ZMYND8: variants seen among roughly 807,000 people sequenced by gnomAD.
ZMYND8 encodes the protein MYND-type zinc finger-containing chromatin reader ZMYND8.
ZMYND8 carries 37 observed loss-of-function variants against 140.8 expected under a neutral mutation model. That is an observed-to-expected ratio of 0.26 (90% CI 0.20 to 0.35). The LOEUF is 0.35. Ranked by LOEUF, ZMYND8 falls within the 10% of genes least tolerant of loss-of-function variation. The pLI is 1.00. For synonymous variants in ZMYND8, 592 were observed against 597.1 expected (o/e 0.99, Z 0.12); for missense variants, 1,068 against 1,570.0 (o/e 0.68, Z 5.40).
chr20:47,280,199 A>G (rs2076522274), intron 10 of ZMYND8, among the ~76,000 whole-genome samples: 1 of 151,384 alleles, frequency 6.6e-6, no homozygotes, highest in South Asian at 2.1e-4. Flanking sequence ...CAAGACCTCC[A>G]AAGTTGTTTC....
At chr20:47,331,025 C>G (rs1040417134) in intron 2 of ZMYND8, among the ~76,000 whole-genome samples, 1 of 152,118 alleles carries the variant, frequency 6.6e-6, no homozygotes, top group African/African-American at 2.4e-5. Context: ...TGGATCTGCA[C>G]AGTCAGTGTG....
rs535541680 is a variant in ZMYND8, at chr20:47,246,486, C to A, written c.1806G>T (p.Thr602=). ...CCTCCGAATCGCTGTGCTCTACGGC[C>A]GTATAGACATCTTCCGAGATTTCAT... ...GINEISEDVY[T]AVEHSDSEDS... The change falls in exon 14 of 23, where the codon ACG becomes ACT. Residue 602 remains threonine (T), a synonymous_variant. Transcript: ENST00000471951. The A allele has an allele frequency of 6.3e-7, 1 of 1,593,928 alleles. No homozygotes were observed. Among genetic ancestry groups the A allele is most frequent in the East Asian group, 2.2e-5 (1 of 44,674 alleles).
At chr20:47,293,259 G>C (rs1320222658) in intron 5 of ZMYND8, among the ~76,000 whole-genome samples, 2 of 149,992 alleles carry the variant, frequency 1.3e-5, no homozygotes, top group Non-Finnish European at 3.0e-5. Context: ...AGGGAGGAAA[G>C]GAAAATATTC....
intron 10 of ZMYND8, among the ~76,000 whole-genome samples, chr20:47,281,568 G>C (rs1051996980): frequency 6.6e-6 from 1 of 152,178 alleles, no homozygotes; most frequent in Non-Finnish European, 1.5e-5. Flanking sequence ...GTGTACGGAG[G>C]GAAAGGGGAG....
intron 2 of ZMYND8, chr20:47,319,020 C>G (rs1464993957): frequency 1.5e-6 from 2 of 1,351,214 alleles, no homozygotes; most frequent in Non-Finnish European, 2.0e-6. Context: ...AGAGGCTCAC[C>G]CACAGCAGAC....
chr20:47,307,845 C>A (rs533575163), intron 3 of ZMYND8, among the ~76,000 whole-genome samples: 1 of 151,708 alleles, frequency 6.6e-6, no homozygotes, highest in Admixed American at 6.6e-5. Flanking sequence ...TAAGGCCAGG[C>A]GCGGTGGCTC....
chr20:47,330,361 CTTTTTTTTTT>C (rs111831182), intron 2 of ZMYND8, among the ~76,000 whole-genome samples: 1 of 118,896 alleles, frequency 8.4e-6, no homozygotes, highest in Non-Finnish European at 1.8e-5. Context: ...GGGTTTTTTG[CTTTTTTTTTT>C]TTTTTTTTTT....
chr20:47,299,847 G>C (rs1302978410), intron 3 of ZMYND8, among the ~76,000 whole-genome samples: 2 of 152,166 alleles, frequency 1.3e-5, no homozygotes, highest in Non-Finnish European at 2.9e-5. Flanking sequence ...CTCCCAAAGT[G>C]CTGGGATTAC....
chr20:47,216,205 AGGCCTCT>A, intron 21 of ZMYND8, among the ~76,000 whole-genome samples: 1 of 152,308 alleles, frequency 6.6e-6, no homozygotes, highest in Non-Finnish European at 1.5e-5. Flanking sequence ...GTCACAACAC[AGGCCTCT>A]GGCCAGGCAC....
rs184554639 is a variant in ZMYND8, at chr20:47,234,938, G to C, written c.2856+1388C>G. 3.7e-3 allele frequency among the ~76,000 whole-genome samples: 557 copies of C among 152,232 alleles called. 1 individual carries two copies. Among genetic ancestry groups the C allele is most frequent in the Admixed American group, 6.9e-3 (106 of 15,296 alleles). On this transcript the variant is annotated intron_variant, in intron 16 of 22. Transcript: ENST00000471951. ...GAAGATCACTTGAGGCCAGGAGTTT[G>C]AGACCAGCCTGGGCAACAAAATGAG... is the stretch of plus-strand genomic sequence containing the variant.
chr20:47,220,032 C>T (rs570166548), intron 21 of ZMYND8, among the ~76,000 whole-genome samples: 3 of 152,262 alleles, frequency 2.0e-5, no homozygotes, highest in African/African-American at 7.2e-5. Context: ...TTATGTGGAT[C>T]CCCAGTAAAT....
At chr20:47,302,117 C>T (rs749191225) in intron 3 of ZMYND8, among the ~76,000 whole-genome samples, 122 of 152,136 alleles carry the variant, frequency 8.0e-4, no homozygotes, top group Non-Finnish European at 1.5e-3. Context: ...TACCCAGTCT[C>T]GGGTATGTCT....
At chr20:47,296,932 G>C (rs1476341641) in intron 4 of ZMYND8, among the ~76,000 whole-genome samples, 8 of 152,154 alleles carry the variant, frequency 5.3e-5, no homozygotes, top group Non-Finnish European at 1.5e-5. Context: ...TCCAGCCTGG[G>C]CAACAGAACA....
intron 13 of ZMYND8, 87 bp from the exon 14 acceptor site, chr20:47,246,604 G>A (rs1387864366): frequency 6.7e-7 from 1 of 1,485,118 alleles, no homozygotes; most frequent in Admixed American, 2.4e-5. Flanking sequence ...CACACCAAAT[G>A]CTGGAATAAG....
intron 14 of ZMYND8, among the ~76,000 whole-genome samples, chr20:47,239,401 G>A (rs1464778573): frequency 6.6e-6 from 1 of 152,232 alleles, no homozygotes. Context: ...AGACCTCTAG[G>A]GGAGAATGAG....
chr20:47,291,933 T>G, intron 5 of ZMYND8, 45 bp from the exon 6 acceptor site: 1 of 1,533,228 alleles, frequency 6.5e-7, no homozygotes, highest in Non-Finnish European at 8.9e-7. Context: ...ATCATTACTA[T>G]GGAAAACCAA....
Position 47,307,296 on chromosome 20 carries a change from C to CA in ZMYND8, c.234+2759dup, listed in dbSNP as rs1238714381. 8.3e-3 allele frequency among the ~76,000 whole-genome samples: 1,184 copies of CA among 142,500 alleles called. 13 individuals are homozygous for CA. Among genetic ancestry groups the CA allele is most frequent in the African/African-American group, 0.028 (1,093 of 39,044 alleles). The allele number at this position is 142,500 out of a possible 152,430, so 93.5% of individuals were successfully genotyped here. On this transcript the variant is annotated intron_variant, in intron 3 of 22. Coordinates refer to ENST00000471951, the MANE Select transcript of ZMYND8 (RefSeq NM_001281775.3). The stretch of plus-strand genomic sequence containing the variant: ...CGAAACTCCGTCTCTACCAAAACTA[C>CA]AAAAAAAAAAAATTAGCCGGGTGTG...
chr20:47,252,525 C>T (rs2074274411), intron 12 of ZMYND8, among the ~76,000 whole-genome samples: 1 of 152,086 alleles, frequency 6.6e-6, no homozygotes, highest in Non-Finnish European at 1.5e-5. Context: ...TCCATGGCTA[C>T]CCAAGTGACA....
rs533777975 is a variant in ZMYND8 at position 47,291,758 on chromosome 20, G to C, written c.660+38C>G. 4 of 1,561,786 alleles carry C rather than the reference G, an allele frequency of 2.6e-6. No individual in the cohort carries two copies. In the East Asian group the frequency reaches 6.8e-5, roughly 27 times the overall value. ...GGGAAGAGCCTTAGGCATCTCAACT[G>C]TGGGCTAGAATGGTGAGGTTCTTTG... is the stretch of plus-strand genomic sequence containing the variant. On this transcript the variant is annotated intron_variant, in intron 6 of 22. Transcript: ENST00000471951.
Sources: gnomAD v4.1 joint callset for allele counts (sites outside exome capture counted in the v4.1 genomes callset) on GRCh38, gnomAD v4.1.1 for gene constraint, MANE v1.5 for transcripts, NCBI Gene and HGNC (gene_info 2026-07-23, HGNC 2026-07-21) for gene names.